Variants in MARK1 observed in about 807,000 individuals in gnomAD.
MARK1 encodes microtubule affinity regulating kinase 1.
Under a neutral mutation model 96.3 loss-of-function variants are expected in MARK1, and 40 were observed. That is an observed-to-expected ratio of 0.42 (90% confidence interval 0.32 to 0.54). The LOEUF (loss-of-function observed/expected upper bound fraction) is 0.54. Among genes scored for constraint, MARK1 ranks in the 20% least tolerant of loss-of-function variants. MARK1 has a pLI of 0.16. For synonymous variants in MARK1, 317 were observed against 341.2 expected (o/e 0.93, Z 0.78); for missense variants, 719 against 984.6 (o/e 0.73, Z 3.61).
Position 220,637,951 on chromosome 1 carries a change from T to TTTTGAATATGGTTATGTATA in MARK1, c.1470+1936_1470+1955dup, listed in dbSNP as rs771995437. 1.3e-3 allele frequency among the ~76,000 whole-genome samples: 205 copies of TTTTGAATATGGTTATGTATA among 152,282 alleles called. 1 individual carries two copies. The highest frequency in any genetic ancestry group is 1.8e-3 in the Non-Finnish European group (122 of 68,024). On this transcript the variant is annotated intron_variant, in intron 13 of 17. Coordinates refer to ENST00000366917, the MANE Select transcript of MARK1 (RefSeq NM_018650.5). ...ATGTAGTCCACTGGAGCCTTACCTC[T>TTTTGAATATGGTTATGTATA]TTTGAATATGGTTATGTATATTTGA...
chr1:220,629,928 T>G (rs1667574546), intron 9 of MARK1, among the ~76,000 whole-genome samples: 1 of 152,246 alleles, frequency 6.6e-6, no homozygotes, highest in African/African-American at 2.4e-5. Flanking sequence ...GAATATCTCT[T>G]TGATATTCTG....
At chr1:220,570,722 ACTTTT>A (rs1423328565) in intron 1 of MARK1, among the ~76,000 whole-genome samples, 2 of 152,136 alleles carry the variant, frequency 1.3e-5, no homozygotes, top group Non-Finnish European at 2.9e-5. Flanking sequence ...TGTATTGGCT[ACTTTT>A]CTTCATTATT....
intron 9 of MARK1, among the ~76,000 whole-genome samples, chr1:220,629,772 A>T (rs1361281773): frequency 6.6e-6 from 1 of 152,186 alleles, no homozygotes; most frequent in Non-Finnish European, 1.5e-5. Flanking sequence ...ATGTTGTAAC[A>T]TATAACAGGA....
chr1:220,635,583 T>C, intron 12 of MARK1, 54 bp downstream of exon 12: 1 of 1,564,418 alleles, frequency 6.4e-7, no homozygotes, highest in Non-Finnish European at 8.6e-7. Flanking sequence ...CCCAAATTTG[T>C]GTTTTTAAAG....
chr1:220,619,399 G>C (rs1666934140), intron 9 of MARK1, among the ~76,000 whole-genome samples: 1 of 152,156 alleles, frequency 6.6e-6, no homozygotes, highest in South Asian at 2.1e-4. Flanking sequence ...GCGTGAACTT[G>C]GGAGGCGGCG....
intron 9 of MARK1, among the ~76,000 whole-genome samples, chr1:220,623,019 C>T (rs1667130392): frequency 6.6e-6 from 1 of 152,070 alleles, no homozygotes; most frequent in African/African-American, 2.4e-5. Context: ...TGTTCATTGG[C>T]ACTGATGGCT....
chr1:220,615,301 C>A (rs763068179), intron 6 of MARK1, among the ~76,000 whole-genome samples: 10 of 152,088 alleles, frequency 6.6e-5, no homozygotes, highest in Non-Finnish European at 1.0e-4. Context: ...AAGTTACAGG[C>A]ATAGAATACT....
intron 1 of MARK1, among the ~76,000 whole-genome samples, chr1:220,550,139 A>G (rs1661763280): frequency 6.6e-6 from 1 of 152,218 alleles, no homozygotes; most frequent in Non-Finnish European, 1.5e-5. Flanking sequence ...TGCTAATGGA[A>G]TCTCTCTCTT....
chr1:220,657,840 G>A lies in MARK1; in HGVS notation c.2033+6G>A. The A allele has an allele frequency of 1.3e-6, 2 of 1,561,482 alleles. No individual in the cohort carries two copies. Among genetic ancestry groups the A allele is most frequent in the Non-Finnish European group, 1.7e-6 (2 of 1,158,608 alleles). On this transcript the variant is annotated splice_donor_region_variant and intron_variant, in intron 17 of 17. Coordinates refer to ENST00000366917, the MANE Select transcript of MARK1 (RefSeq NM_018650.5). The stretch of plus-strand genomic sequence containing the variant: ...GGCAGAACCGACACCTCAAGGTGAG[G>A]AGCCACTATTAATACTTCGCTGCTA...
intron 13 of MARK1, among the ~76,000 whole-genome samples, chr1:220,645,700 T>C (rs1454740509): frequency 6.6e-6 from 1 of 152,122 alleles, no homozygotes; most frequent in Admixed American, 6.6e-5. Context: ...AAAAAGCTTA[T>C]CCACTGCGAT....
At chr1:220,587,413 GA>G (rs1167047594) in intron 3 of MARK1, among the ~76,000 whole-genome samples, 1 of 150,994 alleles carries the variant, frequency 6.6e-6, no homozygotes, top group East Asian at 2.0e-4. Context: ...TTGTTGCCCA[GA>G]CTGGAGTGCA....
intron 13 of MARK1, among the ~76,000 whole-genome samples, chr1:220,639,773 T>C (rs1435244442): frequency 6.6e-6 from 1 of 152,218 alleles, no homozygotes; most frequent in Admixed American, 6.5e-5. Context: ...TTGGAATATA[T>C]ACATTTAAAT....
At chr1:220,587,153 A>C (rs1664675870) in intron 3 of MARK1, among the ~76,000 whole-genome samples, 1 of 152,064 alleles carries the variant, frequency 6.6e-6, no homozygotes, top group South Asian at 2.1e-4. Context: ...TTGTACTTAA[A>C]ATACAGTATA....
intron 13 of MARK1, among the ~76,000 whole-genome samples, chr1:220,646,934 C>A (rs1313442566): frequency 6.6e-6 from 1 of 152,114 alleles, no homozygotes; most frequent in Non-Finnish European, 1.5e-5. Context: ...AATGTAAAAT[C>A]CAAAACTATA....
chr1:220,647,534 C>T (rs576332266), intron 13 of MARK1, among the ~76,000 whole-genome samples: 44 of 152,242 alleles, frequency 2.9e-4, no homozygotes, highest in African/African-American at 1.0e-3. Flanking sequence ...CCAGCAATCC[C>T]ATTACTAGGT....
intron 5 of MARK1, among the ~76,000 whole-genome samples, chr1:220,600,270 G>A (rs555302741): frequency 6.6e-6 from 1 of 152,184 alleles, no homozygotes; most frequent in African/African-American, 2.4e-5. Context: ...TTCACTGATT[G>A]TTCACATATG....
Position 220,657,448 on chromosome 1 carries a change from T to C in MARK1, c.1989-342T>C, listed in dbSNP as rs112063787. ...ACAAATTTGAAGTTGAATCTTGCTA[T>C]TGATAATTATTAAATAGTTTTAACT... On this transcript the variant is annotated intron_variant, in intron 16 of 17. Coordinates refer to ENST00000366917, the MANE Select transcript of MARK1 (RefSeq NM_018650.5). Among the ~76,000 whole-genome samples, 32 of 152,350 alleles carry C rather than the reference T, an allele frequency of 2.1e-4. 1 individual carries two copies. The highest frequency in any genetic ancestry group is 7.7e-4 in the African/African-American group (32 of 41,592).
At chr1:220,580,818 A>T (rs866300653) in intron 2 of MARK1, among the ~76,000 whole-genome samples, 2 of 152,262 alleles carry the variant, frequency 1.3e-5, no homozygotes, top group Non-Finnish European at 2.9e-5. Context: ...ACTTTAAAGA[A>T]GGAAACTTAG....
At chr1:220,593,130 T>C (rs898641899) in intron 3 of MARK1, among the ~76,000 whole-genome samples, 3 of 152,176 alleles carry the variant, frequency 2.0e-5, no homozygotes, top group Admixed American at 6.5e-5. Context: ...ATGCTACTTA[T>C]ATTAATAACA....
Sources: allele counts gnomAD v4.1 joint callset (sites outside exome capture counted in the v4.1 genomes callset), GRCh38; gene constraint gnomAD v4.1.1; transcripts MANE v1.5; gene names NCBI Gene and HGNC (gene_info 2026-07-23, HGNC 2026-07-21).